Variants in ASS1 observed in about 807,000 individuals in gnomAD.
ASS1 encodes argininosuccinate synthase 1.
In ASS1, 58 loss-of-function variants were observed where a neutral mutation model predicts 60.5. The ratio of observed to expected loss-of-function variants is 0.96; its 90% CI spans 0.78 to 1.19. The LOEUF is 1.19. Ranked by LOEUF, ASS1 falls within the 50% of genes most tolerant of loss-of-function variation. The pLI is 0.00. For missense variants in ASS1, 454 were observed against 547.3 expected, an observed-to-expected ratio of 0.83 and a Z score of 1.70; for synonymous variants, 200 against 206.9, an observed-to-expected ratio of 0.97 and a Z score of 0.29.
At chr9:130,498,329 T>G (rs1366563817) in intron 13 of ASS1, among the ~76,000 whole-genome samples, 1 of 152,138 alleles carries the variant, frequency 6.6e-6, no homozygotes, top group Non-Finnish European at 1.5e-5. Context: ...AGGGTCTGAT[T>G]CAGAGCAGGA....
Position 130,470,770 on chromosome 9 carries a change from T to C in ASS1, c.496-64T>C. 5 of 1,506,998 alleles carry C rather than the reference T, an allele frequency of 3.3e-6. No individual in the cohort carries two copies. The highest frequency in any genetic ancestry group is 3.7e-6 in the Non-Finnish European group (4 of 1,083,480). The allele number at this position is 1,506,998 out of a possible 1,614,324, so 93.4% of individuals were successfully genotyped here. A position where few individuals can be genotyped will look rare whatever the true frequency, so the allele number is the denominator to read the frequency against. On this transcript the variant is annotated intron_variant, in intron 6 of 14. Transcript: ENST00000352480. This position sits in a 1 kb window ranked among gnomAD's most constrained non-coding sequence, Gnocchi z 4.3. The stretch of plus-strand genomic sequence containing the variant: ...GGGCTCTCTGAAAAAGCAGGGCCCC[T>C]GGGACGGACCTCACGCGTCCTTCCA...
rs1846047944 is a variant in ASS1 at position 130,477,412 on chromosome 9, C to T, written c.688+451C>T. Among the ~76,000 whole-genome samples, 1 of 152,094 alleles carries T rather than the reference C, an allele frequency of 6.6e-6. No individual in the cohort carries two copies. Among genetic ancestry groups the T allele is most frequent in the African/African-American group, 2.4e-5 (1 of 41,362 alleles). ...GTGTTGGCGAGCTGGCCTCATGGAC[C>T]CCTGGGACCCCACATGGAAAGCCTT... On this transcript the variant is annotated intron_variant, in intron 9 of 14. Transcript: ENST00000352480. This position sits in a 1 kb window ranked among gnomAD's most constrained non-coding sequence, Gnocchi z 4.2.
intron 1 of ASS1, among the ~76,000 whole-genome samples, chr9:130,451,368 G>A (rs1009207914): frequency 6.6e-6 from 1 of 152,176 alleles, no homozygotes; most frequent in Admixed American, 6.5e-5. Context: ...GAGGTCTTAG[G>A]CCTCTGCCTG....
intron 6 of ASS1, among the ~76,000 whole-genome samples, chr9:130,468,390 C>T (rs979752290): frequency 1.3e-5 from 2 of 151,028 alleles, no homozygotes; most frequent in Non-Finnish European, 1.5e-5. Context: ...CCACCCCATC[C>T]TTGTCACTGT....
chr9:130,493,505 C>T (rs1165691909), intron 12 of ASS1, among the ~76,000 whole-genome samples: 1 of 152,156 alleles, frequency 6.6e-6, no homozygotes, highest in Non-Finnish European at 1.5e-5. Context: ...GTGCTTGGCC[C>T]TCCCCCGCCT....
chr9:130,501,042 T>C lies in ASS1; in HGVS notation c.*21T>C. 1 of 1,605,648 alleles carries C rather than the reference T, an allele frequency of 6.2e-7. No homozygotes were observed. The highest frequency in any genetic ancestry group is 8.5e-7 in the Non-Finnish European group (1 of 1,174,786). ...AATAGACCCGTGTACAATGAGGAGC[T>C]GGGGCCTCCTCAATTTGCAGATCCC... On this transcript the variant is annotated 3_prime_UTR_variant, in exon 15 of 15. Transcript: ENST00000352480.
At chr9:130,446,963 A>G (rs1845209839) in intron 1 of ASS1, among the ~76,000 whole-genome samples, 1 of 152,236 alleles carries the variant, frequency 6.6e-6, no homozygotes, top group Admixed American at 6.5e-5. Flanking sequence ...AGGCACCCAT[A>G]GGCACTTTGA....
chr9:130,452,504 G>A (rs896282970), intron 2 of ASS1, among the ~76,000 whole-genome samples, 171 bp downstream of exon 2: 7 of 152,158 alleles, frequency 4.6e-5, no homozygotes, highest in East Asian at 3.8e-4. Flanking sequence ...ATAGCTTCTC[G>A]TTGTACTGCC....
intron 9 of ASS1, 79 bp from the exon 10 acceptor site, chr9:130,479,637 G>A (rs1462123328): frequency 8.8e-7 from 1 of 1,137,664 alleles, no homozygotes; most frequent in Non-Finnish European, 1.3e-6. Context: ...TTCGGGAGGA[G>A]GGAGAGGGTG....
chr9:130,479,032 T>A lies in ASS1; in HGVS notation c.689-684T>A, dbSNP rs138976271. On this transcript the variant is annotated intron_variant, in intron 9 of 14. Transcript: ENST00000352480. ...AGCTCTCTTGTTAGCCCCAATACAT[T>A]TATTGCTCATTTCACACCGCTCGAG... Among the ~76,000 whole-genome samples, 1,421 of 152,216 alleles carry A rather than the reference T, an allele frequency of 9.3e-3. 14 individuals are homozygous for A. The highest frequency in any genetic ancestry group is 0.024 in the Middle Eastern group (7 of 294).
chr9:130,485,000 A>G (rs1355510616), intron 11 of ASS1, among the ~76,000 whole-genome samples: 2 of 152,160 alleles, frequency 1.3e-5, no homozygotes, highest in African/African-American at 4.8e-5. Context: ...GGTGGCAGCC[A>G]GGAAGCCGGT....
intron 1 of ASS1, among the ~76,000 whole-genome samples, chr9:130,449,394 C>T (rs1366158945): frequency 6.8e-6 from 1 of 147,420 alleles, no homozygotes; most frequent in Non-Finnish European, 1.5e-5. Context: ...GGAGGCATGG[C>T]GGGTCACTGA....
chr9:130,494,817 CTCGCGGTGCAGG>C lies in ASS1; in HGVS notation c.971-49_971-38del. Reference sequence around the variant, plus strand: ...CCTGTGCCCCAGGTCTCCCTGTGTCCTCGCGGTGCAGGAGGCCTCCCTAGTGGTATCCTGTTT... The same window carrying C: ...CCTGTGCCCCAGGTCTCCCTGTGTCCAGGCCTCCCTAGTGGTATCCTGTTT... On this transcript the variant is annotated intron_variant, in intron 12 of 14. Coordinates refer to ENST00000352480, the MANE Select transcript of ASS1 (RefSeq NM_054012.4). The surrounding 1 kb of genome is among the most constrained non-coding windows in gnomAD (Gnocchi z 4.3). 6.2e-7 allele frequency: 1 copy of C among 1,609,200 alleles called. No homozygotes were observed. Among genetic ancestry groups the C allele is most frequent in the Non-Finnish European group, 8.5e-7 (1 of 1,176,524 alleles).
chr9:130,463,968 C>A, intron 4 of ASS1, 143 bp from the exon 5 acceptor site: 1 of 840,104 alleles, frequency 1.2e-6, no homozygotes, highest in South Asian at 1.4e-5. Context: ...CACACATACA[C>A]GACCTACACT....
At position 130,488,843 on chromosome 9, in the gene ASS1, T is replaced by G. The variant is rs1367084640; in HGVS notation, c.839-490T>G. On this transcript the variant is annotated intron_variant, in intron 11 of 14. Coordinates refer to ENST00000352480, the MANE Select transcript of ASS1 (RefSeq NM_054012.4). This position sits in a 1 kb window ranked among gnomAD's most constrained non-coding sequence, Gnocchi z 5.2. ...CAAGCCCTCTGCCACCCCAGTGGCC[T>G]CTGGAGAGACCTGGCCGCAGGGGCC... Among the ~76,000 whole-genome samples, 1 of 152,196 alleles carries G rather than the reference T, an allele frequency of 6.6e-6. No individual in the cohort carries two copies.
Position 130,479,801 on chromosome 9 carries a change from G to A in ASS1, c.773+1G>A, listed in dbSNP as rs982830431. 6 of 1,613,816 alleles carry A rather than the reference G, an allele frequency of 3.7e-6. No individual in the cohort carries two copies. Among genetic ancestry groups the A allele is most frequent in the East Asian group, 2.2e-5 (1 of 44,876 alleles). On this transcript the variant is annotated splice_donor_variant, in intron 10 of 14. Transcript: ENST00000352480. LOFTEE classifies it high-confidence loss of function. ...TCTTCATGTACCTGAACGAAGTCGC[G>A]TGAGTGTCTGCAGCCCTGTCCGGCC...
At chr9:130,462,486 G>T (rs1845622191) in intron 4 of ASS1, among the ~76,000 whole-genome samples, 1 of 152,146 alleles carries the variant, frequency 6.6e-6, no homozygotes, top group Admixed American at 6.5e-5. Context: ...TTGAACCAAG[G>T]AAGCGTTTGT....
At chr9:130,473,972 G>A (rs903109348) in intron 8 of ASS1, among the ~76,000 whole-genome samples, 2 of 151,148 alleles carry the variant, frequency 1.3e-5, no homozygotes, top group African/African-American at 4.9e-5. Flanking sequence ...TCCTTCTCGG[G>A]GCCTGTTTCA....
intron 8 of ASS1, among the ~76,000 whole-genome samples, chr9:130,474,965 G>A (rs1385915485): frequency 3.3e-5 from 5 of 152,236 alleles, no homozygotes; most frequent in Admixed American, 6.5e-5. Flanking sequence ...CCACAAATGG[G>A]CACTGATGCA....
Sources: allele counts gnomAD v4.1 joint callset (sites outside exome capture counted in the v4.1 genomes callset), GRCh38; gene constraint gnomAD v4.1.1; non-coding constraint Gnocchi (gnomAD v3.1); transcripts MANE v1.5; gene names NCBI Gene and HGNC (gene_info 2026-07-23, HGNC 2026-07-21).